The following ROGDI variants were observed in gnomAD, a reference collection of about 807,000 sequenced individuals.
ROGDI encodes the protein protein rogdi homolog.
In ROGDI, 46 loss-of-function variants were observed where a neutral mutation model predicts 43.1. The ratio of observed to expected loss-of-function variants is 1.07; its 90% CI spans 0.84 to 1.37. The LOEUF (loss-of-function observed/expected upper bound fraction) is 1.37, where lower values mean the gene tolerates loss of function less well. Among genes scored for constraint, ROGDI ranks in the 40% most tolerant of loss-of-function variants. The probability of loss-of-function intolerance (pLI) is 0.00; values close to 1 mark genes in which losing one functional copy is unlikely to be tolerated. For synonymous variants in ROGDI, 243 were observed against 162.0 expected, an observed-to-expected ratio of 1.50 and a Z score of -3.80; for missense variants, 518 against 383.9, an observed-to-expected ratio of 1.35 and a Z score of -2.92.
At chr16:4,797,529 G>T (rs770224505) in intron 10 of ROGDI, 28 bp from the exon 11 acceptor site, 49 of 1,608,032 alleles carry the variant, frequency 3.0e-5, no homozygotes, top group Non-Finnish European at 3.3e-5. Flanking sequence ...GCTGTAGGTT[G>T]CTGAAGGGGG....
intron 10 of ROGDI, 37 bp downstream of exon 10, chr16:4,797,677 G>A: frequency 9.6e-7 from 1 of 1,043,706 alleles, no homozygotes; most frequent in Non-Finnish European, 1.2e-6. Context: ...ACCCTTAGAA[G>A]TCCTTCCCCT....
At chr16:4,799,111 C>T (rs1467911007) in intron 6 of ROGDI, among the ~76,000 whole-genome samples, 1 of 152,116 alleles carries the variant, frequency 6.6e-6, no homozygotes, top group Non-Finnish European at 1.5e-5. Context: ...GAGCCCATTC[C>T]TTCCCTTTGC....
At position 4,801,521 on chromosome 16, in the gene ROGDI, A is replaced by C; in HGVS notation, c.182T>G (p.Phe61Cys). The change falls in exon 3 of 11, where the codon TTC becomes TGC. Residue 61 changes from phenylalanine (F) to cysteine (C), a missense_variant. Physicochemically the swap from Phe to Cys is radical, Grantham distance 205. Coordinates refer to ENST00000322048, the MANE Select transcript of ROGDI (RefSeq NM_024589.3). The stretch of plus-strand genomic sequence containing the variant: ...GGCTCACCCACAGCTGCCTAGGATG[A>C]AGTTCTCTTGCTTGGCGGGCCCCTC... ...GTEGPAKQEN[F>C]ILGSCGTDQV... 6.2e-7 allele frequency: 1 copy of C among 1,606,812 alleles called. No homozygotes were observed. The highest frequency in any genetic ancestry group is 8.5e-7 in the Non-Finnish European group (1 of 1,176,838).
At chr16:4,801,459 C>A (rs561843482) in intron 3 of ROGDI, 44 bp downstream of exon 3, 18 of 1,579,396 alleles carry the variant, frequency 1.1e-5, no homozygotes, top group South Asian at 6.9e-5. Flanking sequence ...CCTCCTACCC[C>A]CCAAGGTACC....
At chr16:4,800,848 A>T in intron 4 of ROGDI, 1 of 556,482 alleles carries the variant, frequency 1.8e-6, no homozygotes, top group Non-Finnish European at 3.2e-6. Flanking sequence ...AGCCTCTGTG[A>T]GGCTCTGTGC....
intron 2 of ROGDI, 153 bp downstream of exon 2, chr16:4,802,229 T>A (rs907844350): frequency 5.6e-6 from 4 of 717,576 alleles, no homozygotes; most frequent in Admixed American, 2.2e-5. Context: ...TATAATGAGG[T>A]CGGCTCGAGT....
chr16:4,800,005 A>T (rs989150803), intron 5 of ROGDI, among the ~76,000 whole-genome samples: 4 of 152,114 alleles, frequency 2.6e-5, no homozygotes, highest in Non-Finnish European at 5.9e-5. Flanking sequence ...ATGGACACAC[A>T]GTAATGCCCA....
intron 5 of ROGDI, 146 bp downstream of exon 5, chr16:4,800,352 C>T (rs984195853): frequency 1.5e-5 from 10 of 679,746 alleles, no homozygotes; most frequent in South Asian, 1.9e-5. Flanking sequence ...GAAACGCCTG[C>T]CCCCAGCTTT....
At position 4,798,936 on chromosome 16, in the gene ROGDI, G is replaced by A. The variant is rs1163525589; in HGVS notation, c.433-269C>T. 7.8e-6 allele frequency: 4 copies of A among 514,388 alleles called. No individual in the cohort carries two copies. In the Admixed American group the frequency reaches 1.2e-4, roughly 15 times the overall value. 31.9% of individuals were successfully genotyped at this position (514,388 alleles called of 1,614,324 possible). On this transcript the variant is annotated intron_variant, in intron 6 of 10. Coordinates refer to ENST00000322048, the MANE Select transcript of ROGDI (RefSeq NM_024589.3). ...GGATCAATGGGGAATGGAAGGTCCTGGGAGGTCAGTCCCAGGGGCACAGGC... is the reference window on the plus strand; with the variant it reads ...GGATCAATGGGGAATGGAAGGTCCTAGGAGGTCAGTCCCAGGGGCACAGGC...
Position 4,798,183 on chromosome 16 carries a change from C to A in ROGDI, c.533G>T (p.Arg178Leu), listed in dbSNP as rs751703075. 1 of 1,612,772 alleles carries A rather than the reference C, an allele frequency of 6.2e-7. No homozygotes were observed. The highest frequency in any genetic ancestry group is 8.5e-7 in the Non-Finnish European group (1 of 1,179,420). ...GGACGGCAGGGCAGGGGCGAACATC[C>A]GCTGCGGGAGGCAGGTGGGATGAGG... Reference protein sequence around the residue: ...LPEIAASGLTRMFAPALPSDL... With the variant: ...LPEIAASGLTLMFAPALPSDL... The change falls in exon 8 of 11, where the codon CGG becomes CTG. Residue 178 changes from arginine (R) to leucine (L), a missense_variant and splice_region_variant. Transcript: ENST00000322048.
In ROGDI at chr16:4,801,619, CG is replaced by C. The variant is rs1024608182; in HGVS notation, c.118-35del. ...CAGAGGGAAGGAGGGGAGCTGGTAG[CG>C]CCCACTCAGGCCCGGCCCAGTGCTC... is the stretch of plus-strand genomic sequence containing the variant. On this transcript the variant is annotated intron_variant, in intron 2 of 10. Transcript: ENST00000322048. The C allele has an allele frequency of 5.1e-6, 8 of 1,553,990 alleles. No homozygotes were observed. The African/African-American group carries it at 1.1e-4, about 21-fold the overall frequency.
rs750545355 is a variant in ROGDI at position 4,802,511 on chromosome 16, G to T, written c.45+16C>A. Reference sequence around the variant, plus strand: ...CCGCCGCCCCGCCGGCCCGCCCGCTGGCCCGCGCGCCTTACCAGCACCGCC... The same window carrying T: ...CCGCCGCCCCGCCGGCCCGCCCGCTTGCCCGCGCGCCTTACCAGCACCGCC... On this transcript the variant is annotated intron_variant, in intron 1 of 10. Coordinates refer to ENST00000322048, the MANE Select transcript of ROGDI (RefSeq NM_024589.3). 8.4e-5 allele frequency: 102 copies of T among 1,213,538 alleles called. No individual in the cohort carries two copies. Among genetic ancestry groups the T allele is most frequent in the Non-Finnish European group, 7.3e-5 (71 of 978,768 alleles). The allele number at this position is 1,213,538 out of a possible 1,614,324, so 75.2% of individuals were successfully genotyped here.
Position 4,797,313 on chromosome 16 carries a change from T to C in ROGDI, c.*147A>G. 1 of 717,552 alleles carries C rather than the reference T, an allele frequency of 1.4e-6. No homozygotes were observed. The highest frequency in any genetic ancestry group is 1.8e-5 in the African/African-American group (1 of 56,214). 44.4% of individuals were successfully genotyped at this position (717,552 alleles called of 1,614,324 possible). ...TCCTCCTGGCACTTCCAGTGTCCATTCCCGGCAGTGCAAATGTGTTAGGTG... is the reference window on the plus strand; with the variant it reads ...TCCTCCTGGCACTTCCAGTGTCCATCCCCGGCAGTGCAAATGTGTTAGGTG... On this transcript the variant is annotated 3_prime_UTR_variant, in exon 11 of 11. Coordinates refer to ENST00000322048, the MANE Select transcript of ROGDI (RefSeq NM_024589.3).
rs866830423 is a variant in ROGDI, at chr16:4,798,667, G to C, written c.433C>G (p.Leu145Val). ...QFKTGAEVLK[L>V]MDAVMLQLTR... The stretch of plus-strand genomic sequence containing the variant: ...AGCTGCAGCATCACTGCGTCCATCA[G>C]CTGCAGGGAGAGGCGGGGTTGGCTC... Residue 145 changes from leucine (L) to valine (V), a missense_variant and splice_region_variant, in exon 7 of 11, where the codon CTG (leucine) becomes GTG (valine). Leu to Val is a conservative substitution (Grantham distance 32). Coordinates refer to ENST00000322048, the MANE Select transcript of ROGDI (RefSeq NM_024589.3). 1.3e-6 allele frequency: 2 copies of C among 1,561,270 alleles called. No homozygotes were observed. Among genetic ancestry groups the C allele is most frequent in the South Asian group, 2.3e-5 (2 of 85,256 alleles).
chr16:4,801,529 T>G lies in ROGDI; in HGVS notation c.174A>C (p.Gln58His), dbSNP rs1246927576. The stretch of plus-strand genomic sequence containing the variant: ...CACAGCTGCCTAGGATGAAGTTCTC[T>G]TGCTTGGCGGGCCCCTCAGTGCCGG... The part of the protein sequence containing the change: ...PGSGTEGPAK[Q>H]ENFILGSCGT... Residue 58 changes from glutamine (Q) to histidine (H), a missense_variant, in exon 3 of 11, where the codon CAA becomes CAC. Gln to His is a conservative substitution (Grantham distance 24). Coordinates refer to ENST00000322048, the MANE Select transcript of ROGDI (RefSeq NM_024589.3). 2 of 1,607,088 alleles carry G rather than the reference T, an allele frequency of 1.2e-6. No individual in the cohort carries two copies.
At chr16:4,802,169 C>T in intron 2 of ROGDI, 4 of 651,734 alleles carry the variant, frequency 6.1e-6, no homozygotes, top group Non-Finnish European at 1.1e-5. Context: ...GACTCAGGCC[C>T]TTGCTAGCAC....
chr16:4,797,525 G>T (rs768687203), intron 10 of ROGDI, 24 bp from the exon 11 acceptor site: 32 of 1,367,850 alleles, frequency 2.3e-5, no homozygotes, highest in Non-Finnish European at 3.1e-5. Flanking sequence ...GGGTGCTGTA[G>T]GTTGCTGAAG....
chr16:4,802,528 A>C lies in ROGDI; in HGVS notation c.44T>G (p.Leu15Arg). ...MAATAAERAVLEEEFRWLLHD... is the reference protein window; with the variant it reads ...MAATAAERAVREEEFRWLLHD... Reference sequence around the variant, plus strand: ...CGCCCGCTGGCCCGCGCGCCTTACCAGCACCGCCCGCTCCGCCGCCGTCGC... The same window carrying C: ...CGCCCGCTGGCCCGCGCGCCTTACCCGCACCGCCCGCTCCGCCGCCGTCGC... Residue 15 changes from leucine to arginine, a missense_variant and splice_region_variant, in exon 1 of 11, where the codon CTG (leucine) becomes CGG (arginine). Coordinates refer to ENST00000322048, the MANE Select transcript of ROGDI (RefSeq NM_024589.3). The C allele has an allele frequency of 8.0e-7, 1 of 1,255,686 alleles. No homozygotes were observed. The highest frequency in any genetic ancestry group is 1.0e-6 in the Non-Finnish European group (1 of 996,708). The allele number at this position is 1,255,686 out of a possible 1,614,324, so 77.8% of individuals were successfully genotyped here.
chr16:4,797,878 C>T, intron 9 of ROGDI, 38 bp from the exon 10 acceptor site: 2 of 1,607,660 alleles, frequency 1.2e-6, no homozygotes, highest in Non-Finnish European at 8.5e-7. Flanking sequence ...AGGGTCCCGG[C>T]CCTCCAGGTG....
Sources: gnomAD v4.1 joint callset for allele counts (sites outside exome capture counted in the v4.1 genomes callset) on GRCh38, gnomAD v4.1.1 for gene constraint, MANE v1.5 for transcripts, NCBI Gene and HGNC (gene_info 2026-07-23, HGNC 2026-07-21) for gene names.